MACROD2: variants seen among roughly 807,000 people sequenced by gnomAD.
The protein encoded by MACROD2 is ADP-ribose glycohydrolase MACROD2.
MACROD2 carries 36 observed loss-of-function variants against 70.4 expected under a neutral mutation model. The observed-to-expected ratio is 0.51, with a 90% CI of 0.39 to 0.68. The LOEUF is 0.68. Ranked by LOEUF, MACROD2 falls within the 30% of genes least tolerant of loss-of-function variation. MACROD2 has a pLI of 0.00. For missense variants in MACROD2, 496 were observed against 538.4 expected (o/e 0.92, Z 0.78); for synonymous variants, 172 against 178.8 (o/e 0.96, Z 0.30).
At chr20:15,339,024 C>T (rs1036931655) in intron 6 of MACROD2, among the ~76,000 whole-genome samples, 1 of 151,640 alleles carries the variant, frequency 6.6e-6, no homozygotes, top group African/African-American at 2.4e-5. Flanking sequence ...CAAATAAACC[C>T]GTTTAATCTA....
intron 3 of MACROD2, among the ~76,000 whole-genome samples, chr20:14,191,079 A>T (rs6079346): frequency 0.95 from 144,281 of 152,130 alleles, 68,426 homozygotes; most frequent in East Asian, 0.99. Flanking sequence ...TCAGAGGCAC[A>T]TTACATTCGT....
intron 5 of MACROD2, among the ~76,000 whole-genome samples, chr20:15,200,987 T>C (rs2076651090): frequency 6.6e-6 from 1 of 152,154 alleles, no homozygotes; most frequent in African/African-American, 2.4e-5. Context: ...CCAATGCTAC[T>C]CCCAGAGACT....
intron 6 of MACROD2, among the ~76,000 whole-genome samples, chr20:15,392,568 C>A (rs1312264943): frequency 2.0e-5 from 3 of 152,092 alleles, no homozygotes; most frequent in Admixed American, 6.5e-5. Flanking sequence ...AATGCTCCAT[C>A]ATGCCTCTTT....
chr20:15,080,550 T>C (rs1417491103), intron 5 of MACROD2, among the ~76,000 whole-genome samples: 1 of 152,158 alleles, frequency 6.6e-6, no homozygotes, highest in Non-Finnish European at 1.5e-5. Context: ...TTTCCAGGGC[T>C]CAGTTCTTGG....
At position 14,435,732 on chromosome 20, in the gene MACROD2, G is replaced by T. The variant is rs75420960; in HGVS notation, c.272-57747G>T. ...AAGTCATTTTTTTTTTTTGACATAG[G>T]ATCTTGCTCTGTCACCCAGGCTGGA... On this transcript the variant is annotated intron_variant, in intron 3 of 17. Transcript: ENST00000684519. Among the ~76,000 whole-genome samples the T allele has an allele frequency of 2.7e-4, 41 of 151,174 alleles. 1 individual carries two copies. In the East Asian group the frequency reaches 7.6e-3, roughly 28 times the overall value.
chr20:15,108,041 A>G (rs925071382), intron 5 of MACROD2, among the ~76,000 whole-genome samples: 2 of 151,602 alleles, frequency 1.3e-5, no homozygotes, highest in African/African-American at 4.9e-5. Context: ...ACTTACTAGA[A>G]GGCAGTAGAG....
intron 10 of MACROD2, among the ~76,000 whole-genome samples, chr20:15,893,297 C>T (rs1339600208): frequency 6.6e-6 from 1 of 152,220 alleles, no homozygotes; most frequent in African/African-American, 2.4e-5. Context: ...TTACATGTTC[C>T]AAAATTGTGC....
intron 6 of MACROD2, among the ~76,000 whole-genome samples, chr20:15,360,239 C>T (rs190987690): frequency 6.4e-4 from 97 of 152,182 alleles, no homozygotes; most frequent in Admixed American, 3.5e-3. Flanking sequence ...ATCATAGTAT[C>T]CTTAACCAGT....
Position 15,533,171 on chromosome 20 carries a change from G to A in MACROD2, c.645+33324G>A, listed in dbSNP as rs369124459. Among the ~76,000 whole-genome samples, 9 of 152,292 alleles carry A rather than the reference G, an allele frequency of 5.9e-5. No individual in the cohort carries two copies. In the East Asian group the frequency reaches 1.2e-3, roughly 20 times the overall value. On this transcript the variant is annotated intron_variant, in intron 8 of 17. Coordinates refer to ENST00000684519, the MANE Select transcript of MACROD2 (RefSeq NM_001351661.2). ...CAGTATTCACATTAAGATGCTGGAT[G>A]TGCCCTTTAAATAAAGTCAGCATTT...
chr20:14,077,972 G>A (rs539601743), intron 2 of MACROD2, among the ~76,000 whole-genome samples: 5 of 150,358 alleles, frequency 3.3e-5, no homozygotes, highest in Admixed American at 6.6e-5. Flanking sequence ...GTGCGATCTC[G>A]GCTCACTGCA....
At chr20:14,535,388 C>G (rs1254726858) in intron 4 of MACROD2, among the ~76,000 whole-genome samples, 1 of 151,416 alleles carries the variant, frequency 6.6e-6, no homozygotes, top group Non-Finnish European at 1.5e-5. Context: ...ACTTGTAATC[C>G]CAGCTACTCC....
intron 8 of MACROD2, among the ~76,000 whole-genome samples, chr20:15,822,436 T>C (rs1361459649): frequency 6.6e-6 from 1 of 152,200 alleles, no homozygotes; most frequent in Non-Finnish European, 1.5e-5. Context: ...TATGATAAAA[T>C]ATACCATGTT....
At chr20:15,367,558 G>A (rs1447526297) in intron 6 of MACROD2, among the ~76,000 whole-genome samples, 1 of 152,060 alleles carries the variant, frequency 6.6e-6, no homozygotes, top group Non-Finnish European at 1.5e-5. Flanking sequence ...AAGAGCTGAT[G>A]TACTCTTCAA....
chr20:15,888,163 A>G (rs1438810287), intron 10 of MACROD2, among the ~76,000 whole-genome samples: 1 of 152,190 alleles, frequency 6.6e-6, no homozygotes, highest in East Asian at 1.9e-4. Context: ...TTCTGAGAGA[A>G]TAAGACCTAA....
intron 3 of MACROD2, among the ~76,000 whole-genome samples, chr20:14,171,303 A>G (rs2093665): frequency 0.53 from 80,266 of 151,708 alleles, 22,836 homozygotes; most frequent in Non-Finnish European, 0.63. Context: ...TTTTTGTTTT[A>G]TTTATCTTTT....
chr20:15,846,885 G>C lies in MACROD2; in HGVS notation c.646-15860G>C, dbSNP rs185730585. Among the ~76,000 whole-genome samples the C allele has an allele frequency of 4.5e-5, 6 of 132,112 alleles. No homozygotes were observed. In the South Asian group the frequency reaches 1.5e-3, roughly 32 times the overall value. 86.7% of individuals were successfully genotyped at this position (132,112 alleles called of 152,430 possible). A position where few individuals can be genotyped will look rare whatever the true frequency, so the allele number is the denominator to read the frequency against. On this transcript the variant is annotated intron_variant, in intron 8 of 17. Transcript: ENST00000684519. Reference sequence around the variant, plus strand: ...TAAAAACAAGGGCTTTTTCTAAAGTGGACCTTGACATAGTCAAAAAAAAAA... The same window carrying C: ...TAAAAACAAGGGCTTTTTCTAAAGTCGACCTTGACATAGTCAAAAAAAAAA...
chr20:15,037,841 A>G (rs1202767935), intron 5 of MACROD2, among the ~76,000 whole-genome samples: 1 of 152,126 alleles, frequency 6.6e-6, no homozygotes, highest in Non-Finnish European at 1.5e-5. Flanking sequence ...ACAATTAGAC[A>G]GGAGGACTAA....
At chr20:15,070,911 G>GA (rs34723701) in intron 5 of MACROD2, among the ~76,000 whole-genome samples, 4,990 of 127,736 alleles carry the variant, frequency 0.039, 109 homozygotes, top group African/African-American at 0.072. Context: ...TTTGTTTTTG[G>GA]AAAAAAAAAA....
intron 2 of MACROD2, among the ~76,000 whole-genome samples, chr20:14,064,634 T>C (rs1224558293): frequency 6.6e-6 from 1 of 152,180 alleles, no homozygotes; most frequent in African/African-American, 2.4e-5. Flanking sequence ...ATTGCCACAG[T>C]CTTAGTTCAG....
Sources: gnomAD v4.1 joint callset for allele counts (sites outside exome capture counted in the v4.1 genomes callset) on GRCh38, gnomAD v4.1.1 for gene constraint, MANE v1.5 for transcripts, NCBI Gene and HGNC (gene_info 2026-07-23, HGNC 2026-07-21) for gene names.